The following PPM1H variants were observed in gnomAD, a reference collection of about 807,000 sequenced individuals.
PPM1H encodes the protein protein phosphatase 1H.
Under a neutral mutation model 54.9 loss-of-function variants are expected in PPM1H, and 27 were observed. The observed-to-expected ratio is 0.49, with a 90% confidence interval of 0.36 to 0.68. PPM1H has a LOEUF of 0.68. PPM1H is among the 30% of genes least tolerant of loss of function. PPM1H has a pLI of 0.00. For missense variants in PPM1H, 596 were observed against 667.8 expected, an observed-to-expected ratio of 0.89 and a Z score of 1.19; for synonymous variants, 305 against 270.8, an observed-to-expected ratio of 1.13 and a Z score of -1.24.
chr12:62,803,524 T>G lies in PPM1H; in HGVS notation c.412-1364A>C, dbSNP rs74505872. On this transcript the variant is annotated intron_variant, in intron 2 of 9. Transcript: ENST00000228705. ...AAAGAATGAAATTGGGCCCTATTCT[T>G]ATATCATATACAGAATCCAACTCAA... 2.2e-3 allele frequency among the ~76,000 whole-genome samples: 328 copies of G among 152,324 alleles called. 1 individual carries two copies. The highest frequency in any genetic ancestry group is 7.6e-3 in the African/African-American group (315 of 41,562).
At chr12:62,804,683 T>C (rs1230199529) in intron 2 of PPM1H, among the ~76,000 whole-genome samples, 5 of 143,724 alleles carry the variant, frequency 3.5e-5, no homozygotes, top group Admixed American at 3.4e-4. Context: ...TTTCTTTTTT[T>C]TTTTTTTTTT....
chr12:62,662,208 A>G (rs1276055838), intron 9 of PPM1H, among the ~76,000 whole-genome samples: 1 of 152,202 alleles, frequency 6.6e-6, no homozygotes, highest in Non-Finnish European at 1.5e-5. Flanking sequence ...AGACACAGAA[A>G]AAAAGTGCTG....
At chr12:62,824,855 A>T (rs576863594) in intron 2 of PPM1H, among the ~76,000 whole-genome samples, 21 of 152,254 alleles carry the variant, frequency 1.4e-4, no homozygotes, top group African/African-American at 3.8e-4. Context: ...GGACTTCATG[A>T]CTAAAACACC....
intron 5 of PPM1H, 130 bp downstream of exon 5, chr12:62,737,372 G>GT: frequency 1.9e-6 from 1 of 523,252 alleles, no homozygotes; most frequent in Admixed American, 3.9e-5. Context: ...GTGTGTGTGG[G>GT]GGAGTTAATA....
intron 1 of PPM1H, among the ~76,000 whole-genome samples, chr12:62,858,874 A>G (rs779200773): frequency 1.3e-5 from 2 of 152,246 alleles, no homozygotes; most frequent in Non-Finnish European, 2.9e-5. Flanking sequence ...GAAGATGAAC[A>G]GTCATGGGGG....
At chr12:62,722,572 C>T (rs556212714) in intron 5 of PPM1H, among the ~76,000 whole-genome samples, 61 of 152,266 alleles carry the variant, frequency 4.0e-4, no homozygotes, top group Non-Finnish European at 7.9e-4. Context: ...CATAAGAGGC[C>T]TGTGATCCTT....
At position 62,924,348 on chromosome 12, in the gene PPM1H, C is replaced by T. The variant is rs576375856; in HGVS notation, c.245+10144G>A. 4.6e-5 allele frequency among the ~76,000 whole-genome samples: 7 copies of T among 152,310 alleles called. No individual in the cohort carries two copies. In the East Asian group the frequency reaches 9.7e-4, roughly 21 times the overall value. On this transcript the variant is annotated intron_variant, in intron 1 of 9. Coordinates refer to ENST00000228705, the MANE Select transcript of PPM1H (RefSeq NM_020700.2). The stretch of plus-strand genomic sequence containing the variant: ...AGGTTACACATACAGGGATGGAAGC[C>T]TCTTGTAAGAATCACCCACATGGCT...
intron 1 of PPM1H, among the ~76,000 whole-genome samples, chr12:62,877,091 G>A (rs1870200575): frequency 6.6e-6 from 1 of 152,100 alleles, no homozygotes; most frequent in Non-Finnish European, 1.5e-5. Context: ...ACTGACCTAG[G>A]GTACGCATAT....
At chr12:62,829,036 G>T (rs11174681) in intron 2 of PPM1H, among the ~76,000 whole-genome samples, 10,743 of 152,046 alleles carry the variant, frequency 0.071, 501 homozygotes, top group Middle Eastern at 0.14. Flanking sequence ...TGTGAAAAAC[G>T]GTGGTAGTCC....
intron 2 of PPM1H, among the ~76,000 whole-genome samples, chr12:62,828,945 CAGAA>C (rs1478274353): frequency 7.0e-6 from 1 of 142,746 alleles, no homozygotes; most frequent in Non-Finnish European, 1.5e-5. Flanking sequence ...AAAAAGAAAA[CAGAA>C]AGCAAGTGCT....
At chr12:62,834,764 G>A (rs556486243) in intron 1 of PPM1H, among the ~76,000 whole-genome samples, 11 of 152,288 alleles carry the variant, frequency 7.2e-5, no homozygotes, top group African/African-American at 2.6e-4. Context: ...TCTGGAACGT[G>A]CCTTTTACAT....
rs7957316 is a variant in PPM1H at position 62,650,636 on chromosome 12, C to T, written c.1398-2000G>A. 1.6e-3 allele frequency among the ~76,000 whole-genome samples: 237 copies of T among 152,262 alleles called. 1 individual carries two copies. The highest frequency in any genetic ancestry group is 5.4e-3 in the African/African-American group (226 of 41,552). On this transcript the variant is annotated intron_variant, in intron 9 of 9. Coordinates refer to ENST00000228705, the MANE Select transcript of PPM1H (RefSeq NM_020700.2). ...AAGAGGTTTAATTGTCTCACAGTTC[C>T]GTATGGCTGGGAAAGTCTTAGGAAA...
At chr12:62,762,243 A>G (rs1158776157) in intron 4 of PPM1H, among the ~76,000 whole-genome samples, 3 of 152,164 alleles carry the variant, frequency 2.0e-5, no homozygotes, top group African/African-American at 7.2e-5. Context: ...ACCACACCTG[A>G]TGTGTGCTTG....
At chr12:62,787,092 A>G (rs1370952498) in intron 4 of PPM1H, among the ~76,000 whole-genome samples, 1 of 152,178 alleles carries the variant, frequency 6.6e-6, no homozygotes, top group Non-Finnish European at 1.5e-5. Flanking sequence ...GGAGGAACGA[A>G]GGCTGCCTCA....
intron 4 of PPM1H, among the ~76,000 whole-genome samples, chr12:62,786,020 A>C (rs552154340): frequency 6.6e-6 from 1 of 152,300 alleles, no homozygotes; most frequent in Non-Finnish European, 1.5e-5. Flanking sequence ...GCCTGTTTCC[A>C]GGAGCAAGGC....
At chr12:62,836,080 G>A (rs1049355294) in intron 1 of PPM1H, among the ~76,000 whole-genome samples, 4 of 152,180 alleles carry the variant, frequency 2.6e-5, no homozygotes, top group Non-Finnish European at 5.9e-5. Flanking sequence ...CCACCTTGAG[G>A]TCAACAGGAA....
Position 62,804,722 on chromosome 12 carries a change from C to T in PPM1H, c.412-2562G>A, listed in dbSNP as rs1164821600. Among the ~76,000 whole-genome samples, 3 of 136,180 alleles carry T rather than the reference C, an allele frequency of 2.2e-5. No individual in the cohort carries two copies. The South Asian group carries it at 7.1e-4, about 32-fold the overall frequency. 89.3% of individuals were successfully genotyped at this position (136,180 alleles called of 152,430 possible). On this transcript the variant is annotated intron_variant, in intron 2 of 9. Transcript: ENST00000228705. ...ACGGAGTCTCGCTCTGTCGCCCAGG[C>T]TGGAGTGCAGTGGCGGGATCTCGGC...
chr12:62,755,832 C>G lies in PPM1H; in HGVS notation c.870-18246G>C, dbSNP rs1419054304. ...AAACTGTGGTGTGACAGCCACGGCG[C>G]TCTCCAGAACATCATCCCTGCCTCT... On this transcript the variant is annotated intron_variant, in intron 4 of 9. Coordinates refer to ENST00000228705, the MANE Select transcript of PPM1H (RefSeq NM_020700.2). 1.0e-5 allele frequency: 8 copies of G among 800,200 alleles called. No individual in the cohort carries two copies. The African/African-American group carries it at 1.3e-4, about 13-fold the overall frequency. The allele number at this position is 800,200 out of a possible 1,614,324, so 49.6% of individuals were successfully genotyped here.
intron 7 of PPM1H, 79 bp from the exon 8 acceptor site, chr12:62,689,885 G>A: frequency 2.0e-6 from 2 of 985,166 alleles, no homozygotes; most frequent in Non-Finnish European, 3.1e-6. Flanking sequence ...CCTGGGCTAG[G>A]AACAACCAAA....
Sources: gnomAD v4.1 joint callset for allele counts (sites outside exome capture counted in the v4.1 genomes callset) on GRCh38, gnomAD v4.1.1 for gene constraint, MANE v1.5 for transcripts, NCBI Gene and HGNC (gene_info 2026-07-23, HGNC 2026-07-21) for gene names.